SAMD4A: variants seen among roughly 807,000 people sequenced by gnomAD.
The protein encoded by SAMD4A is protein Smaug homolog 1.
Under a neutral mutation model 81.3 loss-of-function variants are expected in SAMD4A, and 33 were observed. The ratio of observed to expected loss-of-function variants is 0.41; its 90% CI spans 0.31 to 0.54. The LOEUF (loss-of-function observed/expected upper bound fraction) is 0.54. Ranked by LOEUF, SAMD4A falls within the 20% of genes least tolerant of loss-of-function variation. The pLI, the probability that SAMD4A is intolerant of heterozygous loss-of-function variation, is 0.37. For synonymous variants in SAMD4A, 389 were observed against 382.1 expected (o/e 1.02, Z -0.21); for missense variants, 854 against 951.1 (o/e 0.90, Z 1.34).
intron 2 of SAMD4A, among the ~76,000 whole-genome samples, chr14:54,579,834 C>T (rs370095054): frequency 4.6e-5 from 7 of 152,166 alleles, no homozygotes; most frequent in African/African-American, 1.2e-4. Context: ...TTGCTCATGA[C>T]GTCCTTGACT....
Position 54,690,732 on chromosome 14 carries a change from A to AC in SAMD4A, c.197-11330_197-11329insC, listed in dbSNP as rs2036411579. On this transcript the variant is annotated intron_variant, in intron 2 of 12. Coordinates refer to ENST00000554335, the MANE Select transcript of SAMD4A (RefSeq NM_015589.6). ...AAAGACAGATATCTGATAGATTAATAAATACAACCACTTCCAAAGGTGATG... is the reference window on the plus strand; with the variant it reads ...AAAGACAGATATCTGATAGATTAATACAATACAACCACTTCCAAAGGTGATG... Among the ~76,000 whole-genome samples, 7 of 152,346 alleles carry AC rather than the reference A, an allele frequency of 4.6e-5. No individual in the cohort carries two copies. In the South Asian group the frequency reaches 8.3e-4, roughly 18 times the overall value.
rs1315750047 is a variant in SAMD4A, at chr14:54,748,801, A to G, written c.980-14A>G. 6 of 1,535,240 alleles carry G rather than the reference A, an allele frequency of 3.9e-6. No individual in the cohort carries two copies. The highest frequency in any genetic ancestry group is 5.3e-6 in the Non-Finnish European group (6 of 1,132,920). ...TCATTTCTCTCCCCATCTCTTGCAC[A>G]TCTTGCACCACAGATGTTCCAGCCT... On this transcript the variant is annotated splice_polypyrimidine_tract_variant and intron_variant, in intron 4 of 12. Coordinates refer to ENST00000554335, the MANE Select transcript of SAMD4A (RefSeq NM_015589.6).
rs113491666 is a variant in SAMD4A at position 54,626,059 on chromosome 14, TGCGCGCGCGC to T, written c.196+57955_196+57964del. Among the ~76,000 whole-genome samples, 50 of 102,118 alleles carry T rather than the reference TGCGCGCGCGC, an allele frequency of 4.9e-4. No homozygotes were observed. The South Asian group carries it at 5.3e-3, about 11-fold the overall frequency. 67.0% of individuals were successfully genotyped at this position (102,118 alleles called of 152,430 possible). ...GTGTGTGTGTGTGTGTGTGTGTGTG[TGCGCGCGCGC>T]GCGCGCGAGTGCGCACATGTGCATG... On this transcript the variant is annotated intron_variant, in intron 2 of 12. Transcript: ENST00000554335.
At chr14:54,650,682 A>G (rs1025401698) in intron 2 of SAMD4A, among the ~76,000 whole-genome samples, 1 of 152,156 alleles carries the variant, frequency 6.6e-6, no homozygotes, top group Non-Finnish European at 1.5e-5. Flanking sequence ...TGATAGTGCA[A>G]ATGACTCCAG....
chr14:54,573,024 T>G (rs1030582797), intron 2 of SAMD4A, among the ~76,000 whole-genome samples: 4 of 152,208 alleles, frequency 2.6e-5, no homozygotes, highest in Non-Finnish European at 5.9e-5. Context: ...CCCAAATAAC[T>G]TATCAACACT....
intron 9 of SAMD4A, among the ~76,000 whole-genome samples, chr14:54,772,828 A>C (rs2038741133): frequency 1.2e-5 from 1 of 82,318 alleles, no homozygotes; most frequent in Non-Finnish European, 3.1e-5. Flanking sequence ...CAAACAAACA[A>C]AAAAAAAAAA....
chr14:54,615,561 T>C (rs560796866), intron 2 of SAMD4A, among the ~76,000 whole-genome samples: 1 of 152,340 alleles, frequency 6.6e-6, no homozygotes, highest in African/African-American at 2.4e-5. Flanking sequence ...TGTTTGTGGA[T>C]TGACATAGGT....
rs147168735 is a variant in SAMD4A, at chr14:54,725,389, A to G, written c.716-11635A>G. Among the ~76,000 whole-genome samples, 290 of 152,354 alleles carry G rather than the reference A, an allele frequency of 1.9e-3. 2 individuals are homozygous for G. Among genetic ancestry groups the G allele is most frequent in the Non-Finnish European group, 3.5e-3 (237 of 68,032 alleles). Reference sequence around the variant, plus strand: ...AAAGGAAAAACCAAGTTGAATCTGAATCAAAGAAAAAAGATTCTTACCAGG... The same window carrying G: ...AAAGGAAAAACCAAGTTGAATCTGAGTCAAAGAAAAAAGATTCTTACCAGG... On this transcript the variant is annotated intron_variant, in intron 3 of 12. Transcript: ENST00000554335.
chr14:54,609,124 G>A (rs1287656961), intron 2 of SAMD4A, among the ~76,000 whole-genome samples: 2 of 152,176 alleles, frequency 1.3e-5, no homozygotes, highest in East Asian at 1.9e-4. Context: ...GATGAAATTC[G>A]TTCTTGGTTG....
chr14:54,636,932 G>A (rs773710910), intron 2 of SAMD4A, among the ~76,000 whole-genome samples: 9 of 152,130 alleles, frequency 5.9e-5, no homozygotes, highest in Non-Finnish European at 1.3e-4. Flanking sequence ...AAAAGAGACC[G>A]ATCAAGGGGG....
chr14:54,772,826 C>CAA lies in SAMD4A; in HGVS notation c.1716-2097_1716-2096dup, dbSNP rs35278828. On this transcript the variant is annotated intron_variant, in intron 9 of 12. Coordinates refer to ENST00000554335, the MANE Select transcript of SAMD4A (RefSeq NM_015589.6). Reference sequence around the variant, plus strand: ...GTTTTCGTCATTAAAAACAAACAAACAAAAAAAAAAAACACTCGGCCCTTG... The same window carrying CAA: ...GTTTTCGTCATTAAAAACAAACAAACAAAAAAAAAAAAAACACTCGGCCCTTG... Among the ~76,000 whole-genome samples, 650 of 145,828 alleles carry CAA rather than the reference C, an allele frequency of 4.5e-3. 6 individuals are homozygous for CAA. The highest frequency in any genetic ancestry group is 0.024 in the Admixed American group (354 of 14,750).
Position 54,760,244 on chromosome 14 carries a change from C to T in SAMD4A, c.1260C>T (p.Ser420=). The T allele has an allele frequency of 6.2e-7, 1 of 1,613,298 alleles. No individual in the cohort carries two copies. The highest frequency in any genetic ancestry group is 8.5e-7 in the Non-Finnish European group (1 of 1,179,916). ...TGACTCCGATCAAGGCCTACAGCTC[C>T]CCGAGCACCACCCCCGAGGCTCGCC... ...MILTPIKAYS[S]PSTTPEARRR... Residue 420 remains serine, a synonymous_variant, in exon 7 of 13, where the codon TCC becomes TCT. Transcript: ENST00000554335.
chr14:54,709,790 C>G (rs1387824329), intron 3 of SAMD4A, among the ~76,000 whole-genome samples: 1 of 152,136 alleles, frequency 6.6e-6, no homozygotes, highest in Non-Finnish European at 1.5e-5. Context: ...GCAGATAGAA[C>G]CCGGATTAGC....
chr14:54,596,684 A>C (rs774326185), intron 2 of SAMD4A, among the ~76,000 whole-genome samples: 17 of 152,244 alleles, frequency 1.1e-4, no homozygotes, highest in Non-Finnish European at 1.8e-4. Flanking sequence ...GCACTCTGCC[A>C]GGGAGGGAGC....
chr14:54,679,397 CAGTCT>C (rs972425163), intron 2 of SAMD4A, among the ~76,000 whole-genome samples: 1 of 152,172 alleles, frequency 6.6e-6, no homozygotes, highest in African/African-American at 2.4e-5. Flanking sequence ...ATATGAAAAA[CAGTCT>C]AGTCTTTTCT....
chr14:54,623,899 C>A (rs1261686182), intron 2 of SAMD4A, among the ~76,000 whole-genome samples: 2 of 152,176 alleles, frequency 1.3e-5, no homozygotes, highest in African/African-American at 4.8e-5. Context: ...GTTCTGTTTT[C>A]ATAAGTTAGT....
chr14:54,723,067 CAG>C (rs747312744), intron 3 of SAMD4A, among the ~76,000 whole-genome samples: 1 of 150,188 alleles, frequency 6.7e-6, no homozygotes, highest in Non-Finnish European at 1.5e-5. Flanking sequence ...GCTTTTCGTT[CAG>C]AGAGACATTA....
At chr14:54,652,329 C>G (rs1344801077) in intron 2 of SAMD4A, among the ~76,000 whole-genome samples, 1 of 152,308 alleles carries the variant, frequency 6.6e-6, no homozygotes, top group Admixed American at 6.5e-5. Context: ...AAGAATGTAG[C>G]TAACCAGTGT....
chr14:54,632,869 T>C (rs1029218617), intron 2 of SAMD4A, among the ~76,000 whole-genome samples: 1 of 152,254 alleles, frequency 6.6e-6, no homozygotes, highest in African/African-American at 2.4e-5. Context: ...AAGTACCTAA[T>C]GTATTTTATC....
Sources: gnomAD v4.1 joint callset for allele counts (sites outside exome capture counted in the v4.1 genomes callset) on GRCh38, gnomAD v4.1.1 for gene constraint, MANE v1.5 for transcripts, NCBI Gene and HGNC (gene_info 2026-07-23, HGNC 2026-07-21) for gene names.